The following CDH20 variants were observed in gnomAD, a reference collection of about 807,000 sequenced individuals.
CDH20 encodes the protein cadherin 20.
In CDH20, 29 loss-of-function variants were observed where a neutral mutation model predicts 74.2. The ratio of observed to expected loss-of-function variants is 0.39; its 90% CI spans 0.29 to 0.53. The LOEUF (loss-of-function observed/expected upper bound fraction) is 0.53, where lower values mean the gene tolerates loss of function less well. CDH20 is among the 20% of genes least tolerant of loss of function. CDH20 has a pLI of 0.69. For missense variants in CDH20, 988 were observed against 1,048.3 expected (o/e 0.94, Z 0.79); for synonymous variants, 469 against 405.4 (o/e 1.16, Z -1.88).
At chr18:61,522,284 G>A (rs929757041) in intron 6 of CDH20, among the ~76,000 whole-genome samples, 1 of 151,842 alleles carries the variant, frequency 6.6e-6, no homozygotes, top group African/African-American at 2.4e-5. Flanking sequence ...AATAGATAGA[G>A]AGCCAAATCA....
At chr18:61,379,089 T>C (rs1235406416) in intron 1 of CDH20, among the ~76,000 whole-genome samples, 1 of 152,182 alleles carries the variant, frequency 6.6e-6, no homozygotes, top group Non-Finnish European at 1.5e-5. Flanking sequence ...CCCCTTATAA[T>C]TTTCAGGCTT....
intron 1 of CDH20, among the ~76,000 whole-genome samples, chr18:61,404,370 T>C (rs1912255198): frequency 6.6e-6 from 1 of 152,174 alleles, no homozygotes; most frequent in South Asian, 2.1e-4. Context: ...TTTTAAATAT[T>C]TGTTTTGAGA....
intron 1 of CDH20, among the ~76,000 whole-genome samples, chr18:61,459,024 A>G (rs1909677528): frequency 6.6e-6 from 1 of 152,192 alleles, no homozygotes; most frequent in Admixed American, 6.5e-5. Context: ...AATACCATCT[A>G]GTTAATCGTA....
intron 8 of CDH20, 123 bp from the exon 9 acceptor site, chr18:61,538,901 G>A (rs985498584): frequency 5.7e-6 from 6 of 1,049,544 alleles, no homozygotes; most frequent in Non-Finnish European, 8.5e-6. Context: ...CAAAGTGCTG[G>A]GATTACAGGC....
chr18:61,337,709 C>G (rs939011703), intron 1 of CDH20, among the ~76,000 whole-genome samples: 3 of 152,156 alleles, frequency 2.0e-5, no homozygotes, highest in Non-Finnish European at 2.9e-5. Flanking sequence ...AAGGCACTGT[C>G]ATCAACTCCT....
chr18:61,513,898 G>A (rs1911879814), intron 6 of CDH20, among the ~76,000 whole-genome samples: 1 of 151,982 alleles, frequency 6.6e-6, no homozygotes, highest in South Asian at 2.1e-4. Flanking sequence ...TCCCTTTGAG[G>A]GTAACCCGAC....
At chr18:61,434,016 G>A (rs566328779) in intron 1 of CDH20, among the ~76,000 whole-genome samples, 15 of 152,092 alleles carry the variant, frequency 9.9e-5, no homozygotes, top group African/African-American at 3.6e-4. Flanking sequence ...CTGGTATTTG[G>A]GGACTACATA....
chr18:61,555,538 G>T lies in CDH20; in HGVS notation c.*843G>T, dbSNP rs1844456856. 1.0e-6 allele frequency: 1 copy of T among 985,362 alleles called. No individual in the cohort carries two copies. The highest frequency in any genetic ancestry group is 1.2e-6 in the Non-Finnish European group (1 of 829,908). 61.0% of individuals were successfully genotyped at this position (985,362 alleles called of 1,614,324 possible). A position where few individuals can be genotyped will look rare whatever the true frequency, so the allele number is the denominator to read the frequency against. On this transcript the variant is annotated 3_prime_UTR_variant, in exon 12 of 12. Transcript: ENST00000262717. ...CTACAAATGAAAGCCAAATAAAAAA[G>T]AAGTATCTGACAAAAGCATGGGTTA...
intron 1 of CDH20, among the ~76,000 whole-genome samples, chr18:61,376,910 G>A (rs918514829): frequency 6.6e-6 from 1 of 152,110 alleles, no homozygotes; most frequent in East Asian, 1.9e-4. Flanking sequence ...AGACAATGAG[G>A]TAAACTGAAG....
At chr18:61,346,006 G>C (rs557785682) in intron 1 of CDH20, among the ~76,000 whole-genome samples, 1 of 152,170 alleles carries the variant, frequency 6.6e-6, no homozygotes, top group Non-Finnish European at 1.5e-5. Flanking sequence ...GGCTTTCCAA[G>C]TTCCTTGAGC....
In CDH20 at chr18:61,490,452, A is replaced by C; in HGVS notation, c.-102A>C. ...TGAAACGGGATCTCATTTAGGAAGC[A>C]TAAGTGTCCAATCAAAAACTGTGTA... On this transcript the variant is annotated 5_prime_UTR_variant, in exon 2 of 12. Transcript: ENST00000262717. The C allele has an allele frequency of 8.6e-7, 1 of 1,160,740 alleles. No homozygotes were observed. The highest frequency in any genetic ancestry group is 1.2e-6 in the Non-Finnish European group (1 of 800,894). 71.9% of individuals were successfully genotyped at this position (1,160,740 alleles called of 1,614,324 possible).
rs569649191 is a variant in CDH20 at position 61,369,596 on chromosome 18, G to C, written c.-153+35769G>C. Reference sequence around the variant, plus strand: ...TCCAAAGGAATATAAATCATTCTGTGGTAAAAACACATGCACACGTATGTT... The same window carrying C: ...TCCAAAGGAATATAAATCATTCTGTCGTAAAAACACATGCACACGTATGTT... On this transcript the variant is annotated intron_variant, in intron 1 of 11. Coordinates refer to ENST00000262717, the MANE Select transcript of CDH20 (RefSeq NM_031891.4). Among the ~76,000 whole-genome samples the C allele has an allele frequency of 2.6e-5, 4 of 151,940 alleles. No homozygotes were observed. In the South Asian group the frequency reaches 8.3e-4, roughly 32 times the overall value.
chr18:61,416,159 A>G (rs1001848772), intron 1 of CDH20, among the ~76,000 whole-genome samples: 3 of 152,194 alleles, frequency 2.0e-5, no homozygotes, highest in Admixed American at 6.5e-5. Flanking sequence ...GTTTAAAGTA[A>G]TAGTAAATTT....
chr18:61,479,672 C>T (rs561745778), intron 1 of CDH20, among the ~76,000 whole-genome samples: 1 of 151,972 alleles, frequency 6.6e-6, no homozygotes, highest in Admixed American at 6.6e-5. Context: ...ATTTTTCCCC[C>T]CTAATGCTCA....
intron 2 of CDH20, among the ~76,000 whole-genome samples, chr18:61,497,394 T>C (rs748552346): frequency 6.6e-6 from 1 of 152,190 alleles, no homozygotes; most frequent in Non-Finnish European, 1.5e-5. Flanking sequence ...AGGTGTTTTA[T>C]TGGTGTTCAT....
chr18:61,542,821 G>C (rs939912613), intron 9 of CDH20, among the ~76,000 whole-genome samples: 2 of 152,146 alleles, frequency 1.3e-5, no homozygotes, highest in African/African-American at 4.8e-5. Context: ...ATGGTGAGAG[G>C]AAGCAAGGCA....
chr18:61,481,758 G>T (rs1213992321), intron 1 of CDH20, among the ~76,000 whole-genome samples: 1 of 151,960 alleles, frequency 6.6e-6, no homozygotes. Flanking sequence ...CTGTTGCCCA[G>T]GCTGGTCTTG....
Position 61,555,751 on chromosome 18 carries a change from C to G in CDH20, c.*1056C>G. 11 of 956,644 alleles carry G rather than the reference C, an allele frequency of 1.1e-5. No individual in the cohort carries two copies. The highest frequency in any genetic ancestry group is 1.4e-5 in the Non-Finnish European group (11 of 803,808). The allele number at this position is 956,644 out of a possible 1,614,324, so 59.3% of individuals were successfully genotyped here. On this transcript the variant is annotated 3_prime_UTR_variant, in exon 12 of 12. Transcript: ENST00000262717. ...ACTGCATCTCAGTACCTTAGCACTT[C>G]TTTTAATAAAAGTTAAATAGAAGGA...
At chr18:61,430,107 CTTT>C (rs1026972275) in intron 1 of CDH20, among the ~76,000 whole-genome samples, 2 of 151,350 alleles carry the variant, frequency 1.3e-5, no homozygotes, top group African/African-American at 4.9e-5. Flanking sequence ...TCCTAGGCAT[CTTT>C]TTTATTTTAT....
Sources: allele counts gnomAD v4.1 joint callset (sites outside exome capture counted in the v4.1 genomes callset), GRCh38; gene constraint gnomAD v4.1.1; transcripts MANE v1.5; gene names NCBI Gene and HGNC (gene_info 2026-07-23, HGNC 2026-07-21).